ADH5: variants seen among roughly 807,000 people sequenced by gnomAD.
The protein encoded by ADH5 is alcohol dehydrogenase class-3.
In ADH5, 32 loss-of-function variants were observed where a neutral mutation model predicts 40.3. The ratio of observed to expected loss-of-function variants is 0.79; its 90% CI spans 0.60 to 1.07. ADH5 has a LOEUF of 1.07. ADH5 is among the 50% of genes least tolerant of loss of function. ADH5 has a pLI of 0.00. For synonymous variants in ADH5, 125 were observed against 154.3 expected, an observed-to-expected ratio of 0.81 and a Z score of 1.41; for missense variants, 353 against 460.5, an observed-to-expected ratio of 0.77 and a Z score of 2.14.
chr4:99,085,307 T>C, intron 1 of ADH5, 91 bp from the exon 2 acceptor site: 1 of 502,196 alleles, frequency 2.0e-6, no homozygotes, highest in Non-Finnish European at 3.4e-6. Flanking sequence ...ATGCTAATCT[T>C]AAAAAGTATA....
chr4:99,075,080 G>C (rs1727897255), intron 6 of ADH5, 31 bp from the exon 7 acceptor site: 2 of 1,512,268 alleles, frequency 1.3e-6, no homozygotes, highest in Admixed American at 2.0e-5. Context: ...CCAAATCACA[G>C]AAGTCAGTGC....
At chr4:99,079,981 T>C (rs1310108960) in intron 4 of ADH5, 1 of 455,224 alleles carries the variant, frequency 2.2e-6, no homozygotes, top group South Asian at 1.6e-5. Context: ...CCCCTTTAGT[T>C]TCTCTTTTAT....
chr4:99,071,042 A>G lies in ADH5; in HGVS notation c.*1375T>C, dbSNP rs1026261929. 4 of 152,242 alleles carry G rather than the reference A, an allele frequency of 2.6e-5. No individual in the cohort carries two copies. The highest frequency in any genetic ancestry group is 7.2e-5 in the African/African-American group (3 of 41,464). 9.4% of individuals were successfully genotyped at this position (152,242 alleles called of 1,614,324 possible). On this transcript the variant is annotated 3_prime_UTR_variant, in exon 9 of 9. Transcript: ENST00000296412. ...ATAAAGTAAAAAGAAAAGTCACAAG[A>G]TAGACTAGAAGATATTTGCAACATA...
At chr4:99,076,947 G>A in intron 4 of ADH5, 24 bp from the exon 5 acceptor site, 1 of 1,557,020 alleles carries the variant, frequency 6.4e-7, no homozygotes, top group Non-Finnish European at 8.7e-7. Flanking sequence ...AAGGAAAAAG[G>A]CAAGTTGGAA....
chr4:99,076,112 C>T (rs904208860), intron 6 of ADH5, 180 bp downstream of exon 6: 7 of 625,028 alleles, frequency 1.1e-5, no homozygotes, highest in African/African-American at 1.8e-5. Context: ...TCTCATCCTT[C>T]CCTGAGCTGT....
At chr4:99,073,957 T>G (rs1474180799) in intron 7 of ADH5, among the ~76,000 whole-genome samples, 2 of 152,210 alleles carry the variant, frequency 1.3e-5, no homozygotes. Flanking sequence ...TACTCTGCTG[T>G]GACATGTATC....
chr4:99,076,234 A>G (rs1456044043), intron 6 of ADH5, 58 bp downstream of exon 6: 1 of 1,569,608 alleles, frequency 6.4e-7, no homozygotes, highest in African/African-American at 1.4e-5. Flanking sequence ...TTTAATCTAA[A>G]ACTGCACTTC....
chr4:99,084,103 T>C (rs1728082504), intron 2 of ADH5, among the ~76,000 whole-genome samples: 2 of 152,216 alleles, frequency 1.3e-5, no homozygotes. Flanking sequence ...TAAGTCGCTG[T>C]AGCAAAACTG....
rs375928972 is a variant in ADH5 at position 99,076,536 on chromosome 4, A to G, written c.581T>C (p.Val194Ala). 1.9e-5 allele frequency: 30 copies of G among 1,613,810 alleles called. No homozygotes were observed. The highest frequency in any genetic ancestry group is 2.4e-5 in the Non-Finnish European group (28 of 1,179,806). The stretch of plus-strand genomic sequence containing the variant: ...TCCTCCCAGACCAAAGACGGCACAA[A>G]CAGAGCCAGGCTCCAACTAGGAGTA... The part of the protein sequence containing the change: ...VNTAKLEPGS[V>A]CAVFGLGGVG... Residue 194 changes from valine to alanine, a missense_variant, in exon 6 of 9, where the codon GTT (valine) becomes GCT (alanine). By Grantham distance (64) the Val-to-Ala change is moderately conservative (BLOSUM62 0). Transcript: ENST00000296412.
chr4:99,076,808 C>G lies in ADH5; in HGVS notation c.460G>C (p.Asp154His), dbSNP rs752220243. Reference sequence around the variant, plus strand: ...GGATCTATTTTAGCAACAGAGATATCAGCCACAACTGTGTATTCAGAAAAT... The same window carrying G: ...GGATCTATTTTAGCAACAGAGATATGAGCCACAACTGTGTATTCAGAAAAT... The part of the protein sequence containing the change: ...STFSEYTVVA[D>H]ISVAKIDPLA... Residue 154 changes from aspartate (D) to histidine (H), a missense_variant, in exon 5 of 9, where the codon GAT becomes CAT. Asp to His is a moderately conservative substitution (Grantham distance 81). Coordinates refer to ENST00000296412, the MANE Select transcript of ADH5 (RefSeq NM_000671.4). 6.2e-7 allele frequency: 1 copy of G among 1,613,972 alleles called. No homozygotes were observed. The highest frequency in any genetic ancestry group is 8.5e-7 in the Non-Finnish European group (1 of 1,179,868).
At chr4:99,085,471 G>A (rs1579366544) in intron 1 of ADH5, 1 of 344,150 alleles carries the variant, frequency 2.9e-6, no homozygotes. Context: ...AATATTTAAT[G>A]GCCTTCTACA....
chr4:99,085,883 A>T (rs28730576), intron 1 of ADH5, among the ~76,000 whole-genome samples: 10,377 of 152,160 alleles, frequency 0.068, 451 homozygotes, highest in Non-Finnish European at 0.1. Context: ...AAAAATACAA[A>T]AATTAGCTGG....
In ADH5 at chr4:99,076,398, C is replaced by T. The variant is rs764039544; in HGVS notation, c.719G>A (p.Cys240Tyr). The T allele has an allele frequency of 8.1e-6, 13 of 1,614,170 alleles. No individual in the cohort carries two copies. Among genetic ancestry groups the T allele is most frequent in the Non-Finnish European group, 1.0e-5 (12 of 1,180,020 alleles). ...ARAKEFGATECINPQDFSKPI... is the reference protein window; with the variant it reads ...ARAKEFGATEYINPQDFSKPI... ...TTTACTAAAATCCTGAGGGTTAATA[C>T]ATTCAGTGGCTCCAAACTCTTTGGC... is the stretch of plus-strand genomic sequence containing the variant. Residue 240 changes from cysteine to tyrosine, a missense_variant, in exon 6 of 9, where the codon TGT becomes TAT. Coordinates refer to ENST00000296412, the MANE Select transcript of ADH5 (RefSeq NM_000671.4).
chr4:99,087,076 TAG>T (rs1355062720), intron 1 of ADH5, among the ~76,000 whole-genome samples: 2 of 150,522 alleles, frequency 1.3e-5, no homozygotes, highest in East Asian at 4.0e-4. Flanking sequence ...GTGAACTACA[TAG>T]AGATATAAAA....
chr4:99,076,691 G>T lies in ADH5; in HGVS notation c.564+13C>A. On this transcript the variant is annotated intron_variant, in intron 5 of 8. Transcript: ENST00000296412. ...TAGAAGGCAGAAGCAAAAAACCCAA[G>T]TCAGTCTCTTACCTTGGCAGTGTTC... is the stretch of plus-strand genomic sequence containing the variant. The T allele has an allele frequency of 6.2e-7, 1 of 1,610,112 alleles. No individual in the cohort carries two copies.
Position 99,076,737 on chromosome 4 carries a change from T to A in ADH5, c.531A>T (p.Ser177=). 1 of 1,614,036 alleles carries A rather than the reference T, an allele frequency of 6.2e-7. No individual in the cohort carries two copies. The highest frequency in any genetic ancestry group is 8.5e-7 in the Non-Finnish European group (1 of 1,179,886). ...TGTTCACAGCAGCACCATAACCGGT[T>A]GAAATGCCACAACCTAGAAGGCAGA... ...DKVCLLGCGI[S]TGYGAAVNTA... is the part of the protein sequence containing the mutation. Residue 177 remains serine (S), a synonymous_variant, in exon 5 of 9, where the codon TCA becomes TCT. Transcript: ENST00000296412.
At chr4:99,088,322 G>A (rs374807808) in intron 1 of ADH5, among the ~76,000 whole-genome samples, 1 of 152,184 alleles carries the variant, frequency 6.6e-6, no homozygotes, top group Non-Finnish European at 1.5e-5. Context: ...TATGCAAGCT[G>A]CAAGAATGAC....
chr4:99,083,792 C>A (rs562054890), intron 2 of ADH5, among the ~76,000 whole-genome samples: 2 of 152,080 alleles, frequency 1.3e-5, no homozygotes, highest in Admixed American at 1.3e-4. Context: ...TGTTAATGAT[C>A]ACTACTCTAA....
At chr4:99,085,089 T>C (rs1228197145) in intron 2 of ADH5, 26 bp downstream of exon 2, 29 of 1,284,874 alleles carry the variant, frequency 2.3e-5, no homozygotes, top group African/African-American at 1.2e-4. Flanking sequence ...TCTCTTTTTT[T>C]CCCAGTGCCT....
Sources: allele counts gnomAD v4.1 joint callset (sites outside exome capture counted in the v4.1 genomes callset), GRCh38; gene constraint gnomAD v4.1.1; transcripts MANE v1.5; gene names NCBI Gene and HGNC (gene_info 2026-07-23, HGNC 2026-07-21).